The following TFPI variants were observed in gnomAD, a reference collection of about 807,000 sequenced individuals.
TFPI encodes tissue factor pathway inhibitor, also known as anti-convertin.
In TFPI, 15 loss-of-function variants were observed where a neutral mutation model predicts 34.6. The ratio of observed to expected loss-of-function variants is 0.43; its 90% CI spans 0.29 to 0.67. TFPI has a LOEUF of 0.67. Among genes scored for constraint, TFPI ranks in the 30% least tolerant of loss-of-function variants. The pLI, the probability that TFPI is intolerant of heterozygous loss-of-function variation, is 0.15. For synonymous variants in TFPI, 105 were observed against 120.1 expected, an observed-to-expected ratio of 0.87 and a Z score of 0.82; for missense variants, 301 against 364.0, an observed-to-expected ratio of 0.83 and a Z score of 1.41.
intron 6 of TFPI, chr2:187,483,828 A>G (rs1214739418): frequency 5.8e-6 from 2 of 344,010 alleles, no homozygotes; most frequent in Non-Finnish European, 5.3e-6. Context: ...GATAATTCCT[A>G]GCACCATTTT....
At chr2:187,474,882 A>G (rs1377117387) in intron 6 of TFPI, among the ~76,000 whole-genome samples, 4 of 152,180 alleles carry the variant, frequency 2.6e-5, no homozygotes, top group Admixed American at 1.3e-4. Context: ...GACTATGTCC[A>G]TGGGTTAGCC....
At chr2:187,523,753 T>G (rs932817740) in intron 1 of TFPI, among the ~76,000 whole-genome samples, 4 of 152,124 alleles carry the variant, frequency 2.6e-5, no homozygotes, top group African/African-American at 9.7e-5. Flanking sequence ...CCCTCCTCTA[T>G]TCCCTTTGAA....
intron 1 of TFPI, among the ~76,000 whole-genome samples, chr2:187,512,764 G>GA (rs1255150147): frequency 6.6e-6 from 1 of 150,890 alleles, no homozygotes; most frequent in Non-Finnish European, 1.5e-5. Flanking sequence ...AAAAAAAAGG[G>GA]AAAAAAAGTT....
At chr2:187,536,597 A>G (rs1433522343) in intron 1 of TFPI, among the ~76,000 whole-genome samples, 1 of 152,198 alleles carries the variant, frequency 6.6e-6, no homozygotes, top group African/African-American at 2.4e-5. Context: ...AAATAATAAG[A>G]GCTATTTATG....
intron 3 of TFPI, among the ~76,000 whole-genome samples, chr2:187,489,574 A>G (rs1424157276): frequency 1.3e-5 from 2 of 151,604 alleles, no homozygotes; most frequent in Non-Finnish European, 3.0e-5. Flanking sequence ...AGAAATGTAT[A>G]CATATAATGA....
chr2:187,528,859 TAA>T (rs5837041), intron 1 of TFPI, among the ~76,000 whole-genome samples: 50 of 141,796 alleles, frequency 3.5e-4, no homozygotes, highest in African/African-American at 7.4e-4. Flanking sequence ...ATAGTGTTGG[TAA>T]AAAAAAAAAA....
intron 3 of TFPI, among the ~76,000 whole-genome samples, chr2:187,494,560 G>A (rs1356758256): frequency 6.6e-6 from 1 of 152,152 alleles, no homozygotes; most frequent in Non-Finnish European, 1.5e-5. Flanking sequence ...AGTTCTTTAT[G>A]TTGGGGAGAG....
intron 1 of TFPI, among the ~76,000 whole-genome samples, chr2:187,553,613 A>G (rs1689171672): frequency 6.6e-6 from 1 of 152,172 alleles, no homozygotes; most frequent in African/African-American, 2.4e-5. Flanking sequence ...ACTTGATCGT[A>G]AGTATTCTCG....
chr2:187,543,808 T>G (rs1359959408), intron 1 of TFPI, among the ~76,000 whole-genome samples: 1 of 152,146 alleles, frequency 6.6e-6, no homozygotes, highest in Non-Finnish European at 1.5e-5. Flanking sequence ...TTTTGAAAAT[T>G]CTCCTTGCTG....
intron 3 of TFPI, among the ~76,000 whole-genome samples, chr2:187,493,375 G>A (rs188452674): frequency 1.4e-4 from 21 of 152,230 alleles, no homozygotes; most frequent in South Asian, 6.2e-4. Context: ...ACCCTGGGCC[G>A]GGTCCAGGAA....
At chr2:187,486,489 C>T (rs904863165) in intron 4 of TFPI, among the ~76,000 whole-genome samples, 4 of 151,092 alleles carry the variant, frequency 2.6e-5, no homozygotes, top group Non-Finnish European at 5.9e-5. Context: ...TATGTACCCA[C>T]AAAAATTAAA....
intron 3 of TFPI, among the ~76,000 whole-genome samples, chr2:187,490,166 T>C (rs1235172992): frequency 6.6e-6 from 1 of 151,656 alleles, no homozygotes; most frequent in Non-Finnish European, 1.5e-5. Context: ...TGCTTCTAAA[T>C]CCATTCAAAA....
chr2:187,474,438 G>A (rs1024508697), intron 6 of TFPI, among the ~76,000 whole-genome samples: 3 of 152,016 alleles, frequency 2.0e-5, no homozygotes, highest in African/African-American at 7.2e-5. Flanking sequence ...TTACATTTAG[G>A]TCAAATTAAG....
At chr2:187,532,185 ATTATAT>A (rs889853569) in intron 1 of TFPI, among the ~76,000 whole-genome samples, 5 of 152,204 alleles carry the variant, frequency 3.3e-5, no homozygotes, top group Non-Finnish European at 5.9e-5. Flanking sequence ...TATATGTGTG[ATTATAT>A]TTATATGAGC....
At chr2:187,491,961 AG>A (rs973770049) in intron 3 of TFPI, among the ~76,000 whole-genome samples, 57 of 152,120 alleles carry the variant, frequency 3.7e-4, no homozygotes, top group African/African-American at 1.4e-3. Flanking sequence ...AGTGATTTTC[AG>A]CATTTTTTCA....
At chr2:187,498,252 G>T (rs925583478) in intron 2 of TFPI, among the ~76,000 whole-genome samples, 7 of 151,714 alleles carry the variant, frequency 4.6e-5, no homozygotes, top group Admixed American at 1.3e-4. Flanking sequence ...TGTCTCAAAA[G>T]AAATCAGTTT....
chr2:187,531,517 TATAA>T (rs1271316082), intron 1 of TFPI, among the ~76,000 whole-genome samples: 2 of 152,216 alleles, frequency 1.3e-5, no homozygotes, highest in Admixed American at 6.5e-5. Context: ...ACCATTTGAT[TATAA>T]ATAAATTTTC....
intron 3 of TFPI, among the ~76,000 whole-genome samples, chr2:187,495,821 A>G (rs752467468): frequency 2.0e-5 from 3 of 152,176 alleles, no homozygotes; most frequent in Non-Finnish European, 2.9e-5. Flanking sequence ...ATTGTATCCA[A>G]CCAGCTCTAC....
At chr2:187,499,798 C>A (rs1191391321) in intron 2 of TFPI, among the ~76,000 whole-genome samples, 1 of 151,996 alleles carries the variant, frequency 6.6e-6, no homozygotes, top group African/African-American at 2.4e-5. Context: ...TGTAGAAATT[C>A]TCATATAATG....
Sources: gnomAD v4.1 joint callset for allele counts (sites outside exome capture counted in the v4.1 genomes callset) on GRCh38, gnomAD v4.1.1 for gene constraint, MANE v1.5 for transcripts, NCBI Gene and HGNC (gene_info 2026-07-23, HGNC 2026-07-21) for gene names.